PALD1: variants seen among roughly 807,000 people sequenced by gnomAD.
PALD1 encodes the protein phosphatase domain containing paladin 1.
In PALD1, 57 loss-of-function variants were observed where a neutral mutation model predicts 96.0. That is an observed-to-expected ratio of 0.59 (90% confidence interval 0.48 to 0.74). The LOEUF is 0.74. Among genes scored for constraint, PALD1 ranks in the 30% least tolerant of loss-of-function variants. The pLI, the probability that PALD1 is intolerant of heterozygous loss-of-function variation, is 0.00. For synonymous variants in PALD1, 464 were observed against 473.6 expected, an observed-to-expected ratio of 0.98 and a Z score of 0.26; for missense variants, 1,063 against 1,143.7, an observed-to-expected ratio of 0.93 and a Z score of 1.02.
intron 1 of PALD1, among the ~76,000 whole-genome samples, chr10:70,510,602 T>C (rs889623196): frequency 6.6e-6 from 1 of 152,068 alleles, no homozygotes; most frequent in Admixed American, 6.6e-5. Flanking sequence ...ATTGTTACAC[T>C]CCCCTCCCTC....
chr10:70,558,198 C>T (rs747553849), intron 18 of PALD1, among the ~76,000 whole-genome samples: 6 of 151,954 alleles, frequency 3.9e-5, no homozygotes, highest in Non-Finnish European at 7.4e-5. Context: ...CTGTCTTCTC[C>T]TGAGCCTCAG....
rs1046793868 is a variant in PALD1, at chr10:70,540,897, G to A, written c.1909-205G>A. Among the ~76,000 whole-genome samples the A allele has an allele frequency of 1.3e-5, 2 of 152,206 alleles. No individual in the cohort carries two copies. The highest frequency in any genetic ancestry group is 6.5e-5 in the Admixed American group (1 of 15,286). On this transcript the variant is annotated intron_variant, in intron 15 of 19. Coordinates refer to ENST00000263563, the MANE Select transcript of PALD1 (RefSeq NM_014431.3). This position sits in a 1 kb window ranked among gnomAD's most constrained non-coding sequence, Gnocchi z 4.2. ...ATCCTGTCCAGGTGCTTGGTGTGAG[G>A]GTGATTACGACTGCACAGGTGCAGC...
chr10:70,530,062 A>G lies in PALD1; in HGVS notation c.462A>G (p.Gly154=), dbSNP rs766850114. 6.6e-7 allele frequency: 1 copy of G among 1,520,894 alleles called. No homozygotes were observed. The highest frequency in any genetic ancestry group is 1.3e-5 in the South Asian group (1 of 77,228). The allele number at this position is 1,520,894 out of a possible 1,614,324, so 94.2% of individuals were successfully genotyped here. ...RRVLQKLQKD[G]HRECVIFCVR... The stretch of plus-strand genomic sequence containing the variant: ...TCCTCCAGAAACTCCAGAAGGACGG[A>G]CATAGGGTAAGTATGCCACTTCCCA... The change falls in exon 4 of 20, where the codon GGA becomes GGG. Residue 154 remains glycine (G), a synonymous_variant. Coordinates refer to ENST00000263563, the MANE Select transcript of PALD1 (RefSeq NM_014431.3).
At position 70,534,081 on chromosome 10, in the gene PALD1, G is replaced by T; in HGVS notation, c.1022+8G>T. The T allele has an allele frequency of 1.3e-6, 2 of 1,587,862 alleles. No individual in the cohort carries two copies. The highest frequency in any genetic ancestry group is 1.7e-6 in the Non-Finnish European group (2 of 1,164,696). ...GACCACCTCCCAGCCAGAGTGAGTG[G>T]CCCGGGGCCCAGCGTCCTGAAGGGC... On this transcript the variant is annotated splice_region_variant and intron_variant, in intron 8 of 19. Coordinates refer to ENST00000263563, the MANE Select transcript of PALD1 (RefSeq NM_014431.3).
the PALD1 span, among the ~76,000 whole-genome samples, chr10:70,465,138 C>A: frequency 2.0e-5 from 3 of 151,656 alleles, no homozygotes; most frequent in Non-Finnish European, 2.9e-5. Flanking sequence ...CTATGCCCAG[C>A]TAATTTTTTG....
At chr10:70,530,244 AT>A (rs1215391273) in intron 4 of PALD1, among the ~76,000 whole-genome samples, 176 bp downstream of exon 4, 1 of 152,174 alleles carries the variant, frequency 6.6e-6, no homozygotes, top group African/African-American at 2.4e-5. Context: ...TGGTTGGGAA[AT>A]TCTGGTGAAT....
chr10:70,566,673 C>A lies in PALD1; in HGVS notation c.2511C>A (p.Arg837=). 1 of 1,609,324 alleles carries A rather than the reference C, an allele frequency of 6.2e-7. No homozygotes were observed. The highest frequency in any genetic ancestry group is 8.5e-7 in the Non-Finnish European group (1 of 1,178,854). The part of the protein sequence containing the change: ...SGEDQPFSRL[R]YRWQEQSCSL... ...AGGACCAGCCCTTCTCCAGGCTGCG[C>A]TACCGGTGGCAGGAGCAGAGCTGCA... Residue 837 remains arginine, a synonymous_variant, in exon 20 of 20, where the codon CGC becomes CGA. Coordinates refer to ENST00000263563, the MANE Select transcript of PALD1 (RefSeq NM_014431.3).
intron 18 of PALD1, among the ~76,000 whole-genome samples, chr10:70,548,842 C>T (rs924946900): frequency 4.6e-5 from 7 of 152,076 alleles, no homozygotes; most frequent in African/African-American, 1.7e-4. Flanking sequence ...AGCTGGAAGG[C>T]AGGGCAAGGC....
intron 1 of PALD1, among the ~76,000 whole-genome samples, chr10:70,495,100 T>C (rs554174773): frequency 1.9e-4 from 29 of 152,234 alleles, no homozygotes; most frequent in African/African-American, 6.0e-4. Context: ...CTTTCAGTTC[T>C]GTGTTCTTCC....
chr10:70,542,559 T>C (rs994037351), intron 17 of PALD1, among the ~76,000 whole-genome samples: 3 of 152,272 alleles, frequency 2.0e-5, no homozygotes, highest in African/African-American at 7.2e-5. Flanking sequence ...TTTATTTCAC[T>C]GAGCATAATG....
At chr10:70,460,037 CCAAATTG>C in the PALD1 span, among the ~76,000 whole-genome samples, 1 of 152,214 alleles carries the variant, frequency 6.6e-6, no homozygotes, top group Non-Finnish European at 1.5e-5. Flanking sequence ...CTCCGTGTTA[CCAAATTG>C]GCTCCAGCCC....
At chr10:70,508,856 TGC>T (rs1554855665) in intron 1 of PALD1, among the ~76,000 whole-genome samples, 68 of 139,930 alleles carry the variant, frequency 4.9e-4, no homozygotes, top group Non-Finnish European at 7.3e-4. Flanking sequence ...TGTGTGTGTG[TGC>T]AGGCCTGTGG....
intron 18 of PALD1, among the ~76,000 whole-genome samples, chr10:70,551,474 C>T (rs990372198): frequency 1.8e-4 from 28 of 152,098 alleles, no homozygotes; most frequent in African/African-American, 6.8e-4. Context: ...TTAATTTGCC[C>T]GGGAATGTTC....
intron 7 of PALD1, 72 bp downstream of exon 7, chr10:70,533,142 ACAG>A: frequency 4.8e-6 from 6 of 1,258,082 alleles, no homozygotes; most frequent in Non-Finnish European, 5.7e-6. Flanking sequence ...CAGGGTGGGC[ACAG>A]CCTCTCGCCT....
rs774912610 is a variant in PALD1, at chr10:70,539,638, C to T, written c.1784C>T (p.Pro595Leu). 7 of 1,613,580 alleles carry T rather than the reference C, an allele frequency of 4.3e-6. 1 individual carries two copies. The highest frequency in any genetic ancestry group is 2.2e-5 in the South Asian group (2 of 91,070). Residue 595 changes from proline (P) to leucine (L), a missense_variant, in exon 15 of 20, where the codon CCC (proline) becomes CTC (leucine). Coordinates refer to ENST00000263563, the MANE Select transcript of PALD1 (RefSeq NM_014431.3). This position sits in a 1 kb window ranked among gnomAD's most constrained non-coding sequence, Gnocchi z 4.5. ...LSEPPPGKEG[P>L]LTYRFQTCLT... is the part of the protein sequence containing the mutation. ...GAGCCTCCCCCAGGCAAGGAGGGCCCCCTGACCTACAGGTTCCAGACCTGC... is the reference window on the plus strand; with the variant it reads ...GAGCCTCCCCCAGGCAAGGAGGGCCTCCTGACCTACAGGTTCCAGACCTGC...
upstream of PALD1, among the ~76,000 whole-genome samples, chr10:70,476,425 G>A (rs1253922288): frequency 6.6e-6 from 1 of 152,202 alleles, no homozygotes; most frequent in African/African-American, 2.4e-5. Context: ...TCTTGTGGTT[G>A]GGACTTTTCT....
intron 1 of PALD1, among the ~76,000 whole-genome samples, chr10:70,519,561 ATTTC>A (rs200081936): frequency 1.7e-4 from 24 of 142,934 alleles, no homozygotes; most frequent in Admixed American, 1.0e-3. Flanking sequence ...GGGGATTAGG[ATTTC>A]TTTCTTTCTT....
In PALD1 at chr10:70,532,589, C is replaced by T. The variant is rs1468811077; in HGVS notation, c.634-32C>T. On this transcript the variant is annotated intron_variant, in intron 5 of 19. Transcript: ENST00000263563. ...TCAGGGAGGGTCTTGAAGTTCAGGC[C>T]ATGGCCCTCTGACCCCCACACCTCC... 7 of 1,606,052 alleles carry T rather than the reference C, an allele frequency of 4.4e-6. No individual in the cohort carries two copies. In the Admixed American group the frequency reaches 5.0e-5, roughly 12 times the overall value.
At chr10:70,527,409 AG>A (rs1411948978) in intron 2 of PALD1, among the ~76,000 whole-genome samples, 1 of 152,202 alleles carries the variant, frequency 6.6e-6, no homozygotes, top group African/African-American at 2.4e-5. Flanking sequence ...CATCCAATAG[AG>A]GGGTCAGCAA....
Sources: gnomAD v4.1 joint callset for allele counts (sites outside exome capture counted in the v4.1 genomes callset) on GRCh38, gnomAD v4.1.1 for gene constraint, Gnocchi (gnomAD v3.1) non-coding constraint, MANE v1.5 for transcripts, NCBI Gene and HGNC (gene_info 2026-07-23, HGNC 2026-07-21) for gene names.